The following MTMR12 variants were observed in gnomAD, a reference collection of about 807,000 sequenced individuals.
MTMR12 encodes the protein myotubularin related protein 12.
Under a neutral mutation model 96.7 loss-of-function variants are expected in MTMR12, and 33 were observed. The ratio of observed to expected loss-of-function variants is 0.34; its 90% CI spans 0.26 to 0.46. The LOEUF (loss-of-function observed/expected upper bound fraction) is 0.46. MTMR12 is among the 20% of genes least tolerant of loss of function. The pLI is 1.00. For missense variants in MTMR12, 721 were observed against 896.1 expected (o/e 0.80, Z 2.49); for synonymous variants, 298 against 327.2 (o/e 0.91, Z 0.96).
In MTMR12 at chr5:32,291,286, G is replaced by A. The variant is rs546738435; in HGVS notation, c.82-14544C>T. ...TCTAGGACATCCCTGAAGGACAGCAGTGAAGGGAAACCTTCCCAGTGGGCA... is the reference window on the plus strand; with the variant it reads ...TCTAGGACATCCCTGAAGGACAGCAATGAAGGGAAACCTTCCCAGTGGGCA... On this transcript the variant is annotated intron_variant, in intron 1 of 15. Coordinates refer to ENST00000382142, the MANE Select transcript of MTMR12 (RefSeq NM_001040446.3). 2.7e-3 allele frequency among the ~76,000 whole-genome samples: 411 copies of A among 152,356 alleles called. 1 individual carries two copies. The highest frequency in any genetic ancestry group is 4.9e-3 in the Non-Finnish European group (336 of 68,036).
intron 1 of MTMR12, among the ~76,000 whole-genome samples, chr5:32,289,505 T>C (rs1230678392): frequency 6.6e-6 from 1 of 152,186 alleles, no homozygotes; most frequent in Non-Finnish European, 1.5e-5. Context: ...AGGGTAAGTG[T>C]GCACTGGGGA....
At chr5:32,268,827 GGTTTTGACAGATA>G in intron 5 of MTMR12, 33 bp from the exon 6 acceptor site, 1 of 1,541,126 alleles carries the variant, frequency 6.5e-7, no homozygotes, top group Non-Finnish European at 9.0e-7. Flanking sequence ...ATATAGTTAT[GGTTTTGACAGATA>G]AACACTAACA....
intron 1 of MTMR12, among the ~76,000 whole-genome samples, chr5:32,299,173 A>G (rs1460859378): frequency 6.6e-6 from 1 of 152,186 alleles, no homozygotes. Flanking sequence ...ACTACCTGCT[A>G]GGTACTGTGT....
intron 1 of MTMR12, among the ~76,000 whole-genome samples, chr5:32,291,051 A>G (rs1231823529): frequency 6.6e-6 from 1 of 152,176 alleles, no homozygotes; most frequent in African/African-American, 2.4e-5. Context: ...CAGATCTTGA[A>G]GGCACAAGTT....
intron 3 of MTMR12, 64 bp from the exon 4 acceptor site, chr5:32,271,969 G>T: frequency 2.0e-6 from 2 of 998,490 alleles, no homozygotes; most frequent in Non-Finnish European, 2.9e-6. Flanking sequence ...TATAGGCAGA[G>T]TAAATCACCA....
In MTMR12 at chr5:32,270,244, C is replaced by T. The variant is rs556335341; in HGVS notation, c.489+573G>A. On this transcript the variant is annotated intron_variant, in intron 5 of 15. Coordinates refer to ENST00000382142, the MANE Select transcript of MTMR12 (RefSeq NM_001040446.3). ...AAAAAATCTTGGAAATTACAACAAA[C>T]ATCAAATTGATACAACCACTTTCTG... Among the ~76,000 whole-genome samples, 10 of 152,146 alleles carry T rather than the reference C, an allele frequency of 6.6e-5. No homozygotes were observed. The South Asian group carries it at 1.9e-3, about 28-fold the overall frequency.
intron 1 of MTMR12, chr5:32,296,562 G>A (rs1380025403): frequency 3.8e-6 from 1 of 263,396 alleles, no homozygotes; most frequent in Admixed American, 3.8e-5. Context: ...TACTTTGGAA[G>A]GGTGAGGTGG....
chr5:32,282,713 C>G (rs1750351469), intron 1 of MTMR12, among the ~76,000 whole-genome samples: 1 of 152,030 alleles, frequency 6.6e-6, no homozygotes, highest in Non-Finnish European at 1.5e-5. Context: ...ATCCTTGCCT[C>G]AAAAATAAGT....
rs1581618431 is a variant in MTMR12, at chr5:32,268,792, A to G, written c.492T>C (p.Ile164=). The G allele has an allele frequency of 6.2e-7, 1 of 1,611,340 alleles. No homozygotes were observed. The highest frequency in any genetic ancestry group is 8.5e-7 in the Non-Finnish European group (1 of 1,177,484). Residue 164 remains isoleucine (I), a splice_region_variant and synonymous_variant, in exon 6 of 16, where the codon ATT becomes ATC. Coordinates refer to ENST00000382142, the MANE Select transcript of MTMR12 (RefSeq NM_001040446.3). ...GGGTATGATGAATTATGCCACTGACAATCTAAAAAAGAATCGAACAATGGA... is the reference window on the plus strand; with the variant it reads ...GGGTATGATGAATTATGCCACTGACGATCTAAAAAAGAATCGAACAATGGA... ...RYTKEEEVKR[I]VSGIIHHTQA... is the part of the protein sequence containing the mutation.
At chr5:32,257,899 C>T (rs1339258642) in intron 7 of MTMR12, among the ~76,000 whole-genome samples, 3 of 151,968 alleles carry the variant, frequency 2.0e-5, no homozygotes, top group South Asian at 2.1e-4. Flanking sequence ...AAATCCCCCT[C>T]GCTACTAAAA....
chr5:32,311,231 T>C (rs1191523797), intron 1 of MTMR12, among the ~76,000 whole-genome samples: 1 of 152,190 alleles, frequency 6.6e-6, no homozygotes, highest in Non-Finnish European at 1.5e-5. Flanking sequence ...TTAAATGTTT[T>C]AAAAAGACAC....
intron 1 of MTMR12, among the ~76,000 whole-genome samples, chr5:32,311,159 A>C (rs936927505): frequency 1.3e-5 from 2 of 152,168 alleles, no homozygotes; most frequent in East Asian, 3.8e-4. Flanking sequence ...GCCCAGCCCA[A>C]ATATTTCATG....
chr5:32,284,625 G>A (rs531032314), intron 1 of MTMR12, among the ~76,000 whole-genome samples: 3 of 152,300 alleles, frequency 2.0e-5, no homozygotes, highest in South Asian at 4.1e-4. Flanking sequence ...GAAGGGTCTA[G>A]AGTTGCCCTT....
chr5:32,291,038 G>A (rs1313683639), intron 1 of MTMR12, among the ~76,000 whole-genome samples: 3 of 152,148 alleles, frequency 2.0e-5, no homozygotes, highest in Non-Finnish European at 4.4e-5. Context: ...GACTGGGCTC[G>A]AGCAGATCTT....
At chr5:32,248,689 A>G in intron 9 of MTMR12, 83 bp downstream of exon 9, 3 of 1,047,250 alleles carry the variant, frequency 2.9e-6, no homozygotes, top group Non-Finnish European at 4.5e-6. Flanking sequence ...AGGTAAACAG[A>G]AATAGACATA....
chr5:32,229,489 C>G lies in MTMR12; in HGVS notation c.*289G>C, dbSNP rs1747901720. The G allele has an allele frequency of 3.8e-6, 1 of 265,340 alleles. No individual in the cohort carries two copies. Among genetic ancestry groups the G allele is most frequent in the Non-Finnish European group, 7.0e-6 (1 of 142,070 alleles). 16.4% of individuals were successfully genotyped at this position (265,340 alleles called of 1,614,324 possible). A position where few individuals can be genotyped will look rare whatever the true frequency, so the allele number is the denominator to read the frequency against. ...AAGCCCTTTCTGGTAGTAAACTGGC[C>G]ATTGTGGGCTCTGTATAATACTTAG... On this transcript the variant is annotated 3_prime_UTR_variant, in exon 16 of 16. Coordinates refer to ENST00000382142, the MANE Select transcript of MTMR12 (RefSeq NM_001040446.3).
chr5:32,276,549 GTTT>G, intron 2 of MTMR12, 130 bp downstream of exon 2: 1 of 721,174 alleles, frequency 1.4e-6, no homozygotes, highest in Non-Finnish European at 2.3e-6. Flanking sequence ...ACCTTGATAT[GTTT>G]TTTCAATTCA....
intron 13 of MTMR12, among the ~76,000 whole-genome samples, chr5:32,237,761 T>G (rs568178465): frequency 1.8e-4 from 28 of 151,930 alleles, no homozygotes; most frequent in African/African-American, 6.5e-4. Context: ...CCACCTGCCT[T>G]GGCCTCCCAA....
intron 10 of MTMR12, 117 bp downstream of exon 10, chr5:32,247,885 C>T: frequency 6.8e-7 from 1 of 1,462,444 alleles, no homozygotes; most frequent in East Asian, 2.3e-5. Context: ...ACATCACAGC[C>T]CTGGGCTCTG....
Sources: gnomAD v4.1 joint callset for allele counts (sites outside exome capture counted in the v4.1 genomes callset) on GRCh38, gnomAD v4.1.1 for gene constraint, MANE v1.5 for transcripts, NCBI Gene and HGNC (gene_info 2026-07-23, HGNC 2026-07-21) for gene names.